The following PAK1 variants were observed in gnomAD, a reference collection of about 807,000 sequenced individuals.
The protein encoded by PAK1 is p21 (RAC1) activated kinase 1.
PAK1 carries 29 observed loss-of-function variants against 67.4 expected under a neutral mutation model. The ratio of observed to expected loss-of-function variants is 0.43; its 90% CI spans 0.32 to 0.59. The LOEUF is 0.59. PAK1 is among the 20% of genes least tolerant of loss of function. PAK1 has a pLI of 0.07. For missense variants in PAK1, 337 were observed against 670.7 expected, an observed-to-expected ratio of 0.50 and a Z score of 5.50; for synonymous variants, 223 against 237.4, an observed-to-expected ratio of 0.94 and a Z score of 0.56.
the PAK1 span, among the ~76,000 whole-genome samples, chr11:77,508,013 C>T: frequency 6.6e-6 from 1 of 152,336 alleles, no homozygotes; most frequent in South Asian, 2.1e-4. Context: ...CTCTCCCCAC[C>T]GGGATAAGCA....
At chr11:77,490,719 G>A in the PAK1 span, among the ~76,000 whole-genome samples, 106 of 152,354 alleles carry the variant, frequency 7.0e-4, no homozygotes, top group African/African-American at 2.3e-3. Flanking sequence ...TTGAGAAATC[G>A]GATGGTTGCC....
chr11:77,438,543 T>A (rs1046162499), intron 1 of PAK1, among the ~76,000 whole-genome samples: 3 of 152,250 alleles, frequency 2.0e-5, no homozygotes, highest in African/African-American at 7.2e-5. Flanking sequence ...AACAACTTGA[T>A]ATTTTTAGAC....
At chr11:77,370,989 TATC>T (rs2136910507) in intron 5 of PAK1, among the ~76,000 whole-genome samples, 1 of 152,372 alleles carries the variant, frequency 6.6e-6, no homozygotes, top group African/African-American at 2.4e-5. Context: ...CTCTGCCTGG[TATC>T]ATTACCTGAT....
chr11:77,361,202 T>C (rs943008136), intron 5 of PAK1, among the ~76,000 whole-genome samples: 2 of 152,162 alleles, frequency 1.3e-5, no homozygotes, highest in African/African-American at 4.8e-5. Flanking sequence ...GGTGGGGAGA[T>C]ACTATTTTAG....
intron 14 of PAK1, among the ~76,000 whole-genome samples, chr11:77,324,396 C>CA (rs1037018711): frequency 3.9e-5 from 6 of 152,236 alleles, no homozygotes; most frequent in Admixed American, 3.3e-4. Flanking sequence ...TAGTCTCAAA[C>CA]TCCTGACCTC....
intron 1 of PAK1, among the ~76,000 whole-genome samples, chr11:77,450,832 C>T (rs1956821749): frequency 6.6e-6 from 1 of 152,178 alleles, no homozygotes; most frequent in Non-Finnish European, 1.5e-5. Context: ...TTCCCAGTTA[C>T]CAAGTTTCCT....
chr11:77,406,945 G>A (rs1565677322), intron 1 of PAK1, among the ~76,000 whole-genome samples: 1 of 152,134 alleles, frequency 6.6e-6, no homozygotes, highest in Non-Finnish European at 1.5e-5. Flanking sequence ...AAAGACATAG[G>A]TGCTGCATGA....
chr11:77,348,390 T>C (rs1944746947), intron 9 of PAK1, among the ~76,000 whole-genome samples: 1 of 152,192 alleles, frequency 6.6e-6, no homozygotes, highest in Non-Finnish European at 1.5e-5. Context: ...TTTCTTCTAC[T>C]GAATATAAGA....
intron 5 of PAK1, among the ~76,000 whole-genome samples, chr11:77,364,957 T>G (rs905867793): frequency 1.3e-5 from 2 of 152,018 alleles, no homozygotes; most frequent in African/African-American, 2.4e-5. Flanking sequence ...TCAATGAATT[T>G]GAAAATGGAG....
chr11:77,420,512 C>CA (rs1303770501), intron 1 of PAK1, among the ~76,000 whole-genome samples: 1 of 152,200 alleles, frequency 6.6e-6, no homozygotes, highest in Admixed American at 6.5e-5. Context: ...CAATAAATGG[C>CA]AATTCTACTC....
the PAK1 span, among the ~76,000 whole-genome samples, chr11:77,486,140 T>C: frequency 0.38 from 57,632 of 152,040 alleles, 11,817 homozygotes; most frequent in Admixed American, 0.51. Context: ...CTTGAGCTGG[T>C]TTAAAAAGGT....
chr11:77,372,325 C>T (rs1366484640), intron 5 of PAK1, among the ~76,000 whole-genome samples: 2 of 152,144 alleles, frequency 1.3e-5, no homozygotes, highest in African/African-American at 4.8e-5. Context: ...CAGGGGAAAG[C>T]AGTATAGGCT....
chr11:77,428,626 G>A (rs1489983934), intron 1 of PAK1, among the ~76,000 whole-genome samples: 1 of 151,736 alleles, frequency 6.6e-6, no homozygotes, highest in African/African-American at 2.4e-5. Flanking sequence ...CAACACTGTG[G>A]TCAGACCTAA....
the PAK1 span, among the ~76,000 whole-genome samples, chr11:77,501,138 G>A: frequency 6.0e-5 from 9 of 149,224 alleles, no homozygotes; most frequent in Admixed American, 5.4e-4. Flanking sequence ...GTGACAGAGC[G>A]AGACTCCGTC....
the PAK1 span, among the ~76,000 whole-genome samples, chr11:77,504,713 T>A: frequency 6.6e-6 from 1 of 152,222 alleles, no homozygotes; most frequent in African/African-American, 2.4e-5. Context: ...CTTGTGTTCT[T>A]ATACCATACT....
chr11:77,411,292 A>G (rs1229123767), intron 1 of PAK1, among the ~76,000 whole-genome samples: 1 of 151,988 alleles, frequency 6.6e-6, no homozygotes, highest in African/African-American at 2.4e-5. Flanking sequence ...GTAACAAACA[A>G]TGTCAAGTCC....
At chr11:77,422,206 C>A (rs186113177) in intron 1 of PAK1, among the ~76,000 whole-genome samples, 1 of 152,206 alleles carries the variant, frequency 6.6e-6, no homozygotes, top group East Asian at 1.9e-4. Flanking sequence ...AACACAGGCA[C>A]CAGCACACAT....
chr11:77,377,243 C>T (rs1258257667), intron 4 of PAK1, among the ~76,000 whole-genome samples: 1 of 152,062 alleles, frequency 6.6e-6, no homozygotes, highest in Non-Finnish European at 1.5e-5. Flanking sequence ...CCACAGGACT[C>T]CAGCAAAAGA....
At chr11:77,374,292 T>C in intron 5 of PAK1, 36 bp downstream of exon 5, 1 of 1,424,762 alleles carries the variant, frequency 7.0e-7, no homozygotes, top group Non-Finnish European at 9.9e-7. Flanking sequence ...TACCTCCACA[T>C]CTGCCCACAT....
Sources: allele counts gnomAD v4.1 joint callset (sites outside exome capture counted in the v4.1 genomes callset), GRCh38; gene constraint gnomAD v4.1.1; transcripts MANE v1.5; gene names NCBI Gene and HGNC (gene_info 2026-07-23, HGNC 2026-07-21).